The following PSD3 variants were observed in gnomAD, a reference collection of about 807,000 sequenced individuals.
The protein encoded by PSD3 is pleckstrin and Sec7 domain containing 3, also known as PH and SEC7 domain-containing protein 3.
A neutral mutation model predicts 105.5 loss-of-function variants in PSD3; 49 were observed. The observed-to-expected ratio is 0.46, with a 90% confidence interval of 0.37 to 0.59. PSD3 has a LOEUF of 0.59. PSD3 is among the 20% of genes least tolerant of loss of function. The pLI is 0.00. For synonymous variants in PSD3, 557 were observed against 457.8 expected (o/e 1.22, Z -2.77); for missense variants, 1,561 against 1,263.8 (o/e 1.24, Z -3.57).
intron 8 of PSD3, among the ~76,000 whole-genome samples, chr8:18,778,779 A>G (rs1808332070): frequency 6.6e-6 from 1 of 152,034 alleles, no homozygotes; most frequent in South Asian, 2.1e-4. Flanking sequence ...CATATAATAA[A>G]CCATCCTACC....
At chr8:19,074,605 ATATATATTTTTTTTTTTT>A in intron 1 of PSD3, among the ~76,000 whole-genome samples, 1 of 18,420 alleles carries the variant, frequency 5.4e-5, no homozygotes, top group East Asian at 1.6e-3. Flanking sequence ...ATATATATAT[ATATATATTTTTTTTTTTT>A]TTTTTTTTTT....
At chr8:18,971,517 C>T (rs1239453428) in intron 1 of PSD3, among the ~76,000 whole-genome samples, 1 of 152,180 alleles carries the variant, frequency 6.6e-6, no homozygotes, top group Non-Finnish European at 1.5e-5. Flanking sequence ...GTGCTCAGAT[C>T]ACAGGCCCAA....
intron 1 of PSD3, among the ~76,000 whole-genome samples, chr8:19,001,262 A>AT (rs1158776999): frequency 6.6e-6 from 1 of 151,244 alleles, no homozygotes; most frequent in Non-Finnish European, 1.5e-5. Context: ...ATCTGGCTAA[A>AT]TTTTTTCTTT....
At chr8:18,585,267 T>C (rs562408332) in intron 12 of PSD3, among the ~76,000 whole-genome samples, 3 of 152,322 alleles carry the variant, frequency 2.0e-5, no homozygotes, top group African/African-American at 7.2e-5. Flanking sequence ...CAGACTGCTG[T>C]AGGAAGATTG....
At chr8:18,621,893 G>A (rs963392051) in intron 11 of PSD3, among the ~76,000 whole-genome samples, 8 of 152,116 alleles carry the variant, frequency 5.3e-5, no homozygotes, top group African/African-American at 1.4e-4. Context: ...AATGTTACAC[G>A]ATAGCAAAGA....
At chr8:18,803,812 A>G (rs1648321166) in intron 6 of PSD3, among the ~76,000 whole-genome samples, 1 of 152,126 alleles carries the variant, frequency 6.6e-6, no homozygotes, top group African/African-American at 2.4e-5. Context: ...TTTAACGAGT[A>G]TGGAGCTTCA....
chr8:18,594,412 AAAT>A (rs1013973220), intron 12 of PSD3, among the ~76,000 whole-genome samples: 5 of 121,544 alleles, frequency 4.1e-5, no homozygotes, highest in African/African-American at 1.7e-4. Flanking sequence ...TATAATATAT[AAAT>A]AATATACATT....
chr8:18,888,570 C>A (rs777991145), intron 2 of PSD3, among the ~76,000 whole-genome samples: 2 of 151,924 alleles, frequency 1.3e-5, no homozygotes, highest in Non-Finnish European at 2.9e-5. Flanking sequence ...AGAGTAGCAA[C>A]CAGTATAGAA....
At chr8:18,666,040 A>G (rs1323818706) in intron 9 of PSD3, among the ~76,000 whole-genome samples, 1 of 152,104 alleles carries the variant, frequency 6.6e-6, no homozygotes, top group Non-Finnish European at 1.5e-5. Context: ...ATAATAAACT[A>G]CAGTATAGTG....
At chr8:18,884,868 A>G (rs912674696) in intron 2 of PSD3, among the ~76,000 whole-genome samples, 3 of 152,184 alleles carry the variant, frequency 2.0e-5, no homozygotes, top group African/African-American at 7.2e-5. Flanking sequence ...CAGCTCTGTG[A>G]GCTAAGGAGT....
chr8:18,808,818 T>G (rs1254481661), intron 4 of PSD3: 1 of 1,613,526 alleles, frequency 6.2e-7, no homozygotes. Context: ...GGACCATCCT[T>G]CCTCTCCGAA....
chr8:18,575,263 G>A lies in PSD3; in HGVS notation c.2504C>T (p.Ala835Val). 6.2e-7 allele frequency: 1 copy of A among 1,610,938 alleles called. No individual in the cohort carries two copies. Among genetic ancestry groups the A allele is most frequent in the South Asian group, 1.1e-5 (1 of 90,530 alleles). Residue 835 changes from alanine (A) to valine (V), a missense_variant, in exon 13 of 16, where the codon GCC (alanine) becomes GTC (valine). Coordinates refer to ENST00000327040, the MANE Select transcript of PSD3 (RefSeq NM_015310.4). ...LQKDEYKPEK[A>V]LSEEDLKNAV... ...GTTTTTCAAGTCCTCTTCAGACAAG[G>A]CCTTTTCTGGCTTGTATTCATCCTA...
At chr8:18,565,632 T>G (rs1801691336) in intron 14 of PSD3, among the ~76,000 whole-genome samples, 1 of 152,222 alleles carries the variant, frequency 6.6e-6, no homozygotes, top group African/African-American at 2.4e-5. Flanking sequence ...TCTTTATCAA[T>G]GTTTCCAGCA....
chr8:18,696,719 G>C (rs1039945309), intron 9 of PSD3, among the ~76,000 whole-genome samples: 1 of 152,124 alleles, frequency 6.6e-6, no homozygotes, highest in African/African-American at 2.4e-5. Context: ...TACTGCACTA[G>C]TTCTAAGATA....
Position 18,762,911 on chromosome 8 carries a change from C to A in PSD3, c.2172+2538G>T. 13 of 1,267,444 alleles carry A rather than the reference C, an allele frequency of 1.0e-5. No homozygotes were observed. The South Asian group carries it at 1.5e-4, about 15-fold the overall frequency. The allele number at this position is 1,267,444 out of a possible 1,614,324, so 78.5% of individuals were successfully genotyped here. On this transcript the variant is annotated intron_variant, in intron 9 of 15. Coordinates refer to ENST00000327040, the MANE Select transcript of PSD3 (RefSeq NM_015310.4). Reference sequence around the variant, plus strand: ...AATTTGGCTTATACTTTTATTTCAACATGGAATAACTGTTTATTTTATGGA... The same window carrying A: ...AATTTGGCTTATACTTTTATTTCAAAATGGAATAACTGTTTATTTTATGGA...
At chr8:18,605,056 G>C (rs73211793) in intron 11 of PSD3, among the ~76,000 whole-genome samples, 4,412 of 152,342 alleles carry the variant, frequency 0.029, 118 homozygotes, top group East Asian at 0.095. Context: ...CCCTCACACA[G>C]AGTTCCAACT....
rs144958012 is a variant in PSD3 at position 18,955,267 on chromosome 8, G to A, written c.22-19125C>T. Among the ~76,000 whole-genome samples the A allele has an allele frequency of 1.3e-4, 20 of 152,116 alleles. No individual in the cohort carries two copies. In the East Asian group the frequency reaches 3.1e-3, roughly 24 times the overall value. On this transcript the variant is annotated intron_variant, in intron 1 of 15. Transcript: ENST00000327040. ...TCTCTTTTGTGTTTTTAGAGACAGG[G>A]TCTCACTCTGTCACCCAGGCTGGAA...
At chr8:18,657,743 T>C (rs868855746) in intron 9 of PSD3, among the ~76,000 whole-genome samples, 3 of 152,182 alleles carry the variant, frequency 2.0e-5, no homozygotes, top group African/African-American at 7.2e-5. Flanking sequence ...ATGAGCCATT[T>C]TGAACCCACA....
intron 1 of PSD3, among the ~76,000 whole-genome samples, chr8:19,023,357 T>TAGCC (rs1254745755): frequency 2.0e-5 from 3 of 152,102 alleles, no homozygotes; most frequent in African/African-American, 7.2e-5. Context: ...AAGTGTTCAG[T>TAGCC]AGCCATAGGT....
Sources: allele counts gnomAD v4.1 joint callset (sites outside exome capture counted in the v4.1 genomes callset), GRCh38; gene constraint gnomAD v4.1.1; transcripts MANE v1.5; gene names NCBI Gene and HGNC (gene_info 2026-07-23, HGNC 2026-07-21).